Variants in ESRP2 observed in about 807,000 individuals in gnomAD.
ESRP2 encodes the protein epithelial splicing regulatory protein 2.
In ESRP2, 48 loss-of-function variants were observed where a neutral mutation model predicts 78.6. That is an observed-to-expected ratio of 0.61 (90% CI 0.48 to 0.78). The LOEUF is 0.78. Among genes scored for constraint, ESRP2 ranks in the 30% least tolerant of loss-of-function variants. The pLI, the probability that ESRP2 is intolerant of heterozygous loss-of-function variation, is 0.00. For missense variants in ESRP2, 863 were observed against 965.9 expected (o/e 0.89, Z 1.41); for synonymous variants, 383 against 406.7 (o/e 0.94, Z 0.70).
rs200831146 is a variant in ESRP2 at position 68,232,526 on chromosome 16, G to A, written c.822-23C>T. 1.1e-4 allele frequency: 183 copies of A among 1,614,060 alleles called. No homozygotes were observed. The East Asian group carries it at 3.3e-3, about 29-fold the overall frequency. Reference sequence around the variant, plus strand: ...CCCCTGTGGAGCCAGTGCTGTTAGTGCCTCCTGGGTAGGCCTGTCCAATTG... The same window carrying A: ...CCCCTGTGGAGCCAGTGCTGTTAGTACCTCCTGGGTAGGCCTGTCCAATTG... On this transcript the variant is annotated intron_variant, in intron 7 of 14. Coordinates refer to ENST00000473183, the MANE Select transcript of ESRP2 (RefSeq NM_024939.3). The surrounding 1 kb of genome is among the most constrained non-coding windows in gnomAD (Gnocchi z 5.2).
chr16:68,230,819 T>TCCC (rs1476426043), intron 13 of ESRP2, 22 bp downstream of exon 13: 3 of 1,613,548 alleles, frequency 1.9e-6, no homozygotes, highest in Non-Finnish European at 2.5e-6. Flanking sequence ...GGGACTGTGA[T>TCCC]ATTCTCTTAG....
chr16:68,231,719 T>C lies in ESRP2; in HGVS notation c.1300-25A>G. The C allele has an allele frequency of 6.3e-7, 1 of 1,595,028 alleles. No individual in the cohort carries two copies. The highest frequency in any genetic ancestry group is 1.7e-4 in the Middle Eastern group (1 of 5,976). On this transcript the variant is annotated intron_variant, in intron 10 of 14. Transcript: ENST00000473183. The surrounding 1 kb of genome is among the most constrained non-coding windows in gnomAD (Gnocchi z 6.0). ...CCTAGTAAGGAAGGCAGCAACAGGC[T>C]GGTCATGCCAAGTAGGGCAGGGACA...
Position 68,229,312 on chromosome 16 carries a change from C to T in ESRP2, c.*914G>A, listed in dbSNP as rs2042094062. The stretch of plus-strand genomic sequence containing the variant: ...CCTGGGGTTGGTGTGGAGCCCCTCA[C>T]TTTGGGGCAAAGTTAAGGGTCCTGT... On this transcript the variant is annotated 3_prime_UTR_variant, in exon 15 of 15. Transcript: ENST00000473183. 1 of 152,584 alleles carries T rather than the reference C, an allele frequency of 6.6e-6. No homozygotes were observed. Among genetic ancestry groups the T allele is most frequent in the East Asian group, 1.9e-4 (1 of 5,180 alleles). 9.5% of individuals were successfully genotyped at this position (152,584 alleles called of 1,614,324 possible).
rs558542362 is a variant in ESRP2 at position 68,229,729 on chromosome 16, G to A, written c.*497C>T. On this transcript the variant is annotated 3_prime_UTR_variant, in exon 15 of 15. Transcript: ENST00000473183. ...TGAGGTCCAGATACTCTGAGGGTAG[G>A]GGCTGGCTCTCTCTGCCTCCCTATC... The A allele has an allele frequency of 6.2e-6, 1 of 160,894 alleles. No homozygotes were observed. Among genetic ancestry groups the A allele is most frequent in the South Asian group, 1.7e-4 (1 of 5,772 alleles). The allele number at this position is 160,894 out of a possible 1,614,324, so 10.0% of individuals were successfully genotyped here. A position where few individuals can be genotyped will look rare whatever the true frequency, so the allele number is the denominator to read the frequency against.
rs748157582 is a variant in ESRP2, at chr16:68,231,338, T to C, written c.1551A>G (p.Ser517=). 1 of 1,614,142 alleles carries C rather than the reference T, an allele frequency of 6.2e-7. No homozygotes were observed. The highest frequency in any genetic ancestry group is 1.1e-5 in the South Asian group (1 of 91,086). ...PSGDAFIQMT[S]AERALAAAQR... ...GAGCAGCAGCTAGGGCTCGCTCTGC[T>C]GATGTCATCTGAATGAAGGCATCGC... is the stretch of plus-strand genomic sequence containing the variant. The change falls in exon 12 of 15, where the codon TCA becomes TCG. Residue 517 remains serine (S), a synonymous_variant. Coordinates refer to ENST00000473183, the MANE Select transcript of ESRP2 (RefSeq NM_024939.3). The surrounding 1 kb of genome is among the most constrained non-coding windows in gnomAD (Gnocchi z 6.0).
At position 68,233,385 on chromosome 16, in the gene ESRP2, C is replaced by T; in HGVS notation, c.597G>A (p.Gly199=). ...LETDATEDDF[G]VWEVKTMVAV... is the part of the protein sequence containing the mutation. Reference sequence around the variant, plus strand: ...CTACCATTGTCTTGACTTCCCAGACCCCAAAGTCATCCTCTGTGGCATCTG... The same window carrying T: ...CTACCATTGTCTTGACTTCCCAGACTCCAAAGTCATCCTCTGTGGCATCTG... Residue 199 remains glycine (G), a synonymous_variant, in exon 5 of 15, where the codon GGG becomes GGA. Transcript: ENST00000473183. 6.2e-7 allele frequency: 1 copy of T among 1,614,012 alleles called. No individual in the cohort carries two copies. Among genetic ancestry groups the T allele is most frequent in the Non-Finnish European group, 8.5e-7 (1 of 1,179,986 alleles).
At chr16:68,234,346 A>G in intron 2 of ESRP2, 1 of 528,572 alleles carries the variant, frequency 1.9e-6, no homozygotes, top group Non-Finnish European at 3.4e-6. Flanking sequence ...AATCACATAT[A>G]ACCGAAGCCC....
rs986017122 is a variant in ESRP2, at chr16:68,231,460, C to G, written c.1512+22G>C. 15 of 1,613,900 alleles carry G rather than the reference C, an allele frequency of 9.3e-6. No homozygotes were observed. The highest frequency in any genetic ancestry group is 1.2e-5 in the Non-Finnish European group (14 of 1,179,928). Reference sequence around the variant, plus strand: ...ACACCCCTTCCTATTTATGTGTTCCCCCTACCAAGCAGTGGCTTCACCTGC... The same window carrying G: ...ACACCCCTTCCTATTTATGTGTTCCGCCTACCAAGCAGTGGCTTCACCTGC... On this transcript the variant is annotated intron_variant, in intron 11 of 14. Coordinates refer to ENST00000473183, the MANE Select transcript of ESRP2 (RefSeq NM_024939.3). This position sits in a 1 kb window ranked among gnomAD's most constrained non-coding sequence, Gnocchi z 6.0.
Position 68,230,558 on chromosome 16 carries a change from G to A in ESRP2, c.1899-4C>T, listed in dbSNP as rs1196499174. The A allele has an allele frequency of 6.4e-7, 1 of 1,554,568 alleles. No individual in the cohort carries two copies. The highest frequency in any genetic ancestry group is 8.7e-7 in the Non-Finnish European group (1 of 1,150,014). ...AGTGGTGGGGGAGACTGGGGGGCTA[G>A]GGTGGGAGAGACAAGGTTTAGTCAT... On this transcript the variant is annotated splice_region_variant and splice_polypyrimidine_tract_variant and intron_variant, in intron 13 of 14. Transcript: ENST00000473183.
rs751986260 is a variant in ESRP2, at chr16:68,232,564, C to CACCT, written c.821+12_821+13insAGGT. The CACCT allele has an allele frequency of 1.9e-6, 3 of 1,614,158 alleles. No homozygotes were observed. The African/African-American group carries it at 4.0e-5, about 22-fold the overall frequency. The stretch of plus-strand genomic sequence containing the variant: ...GCCTGTCCAATTGGGCCCACCCACC[C>CACCT]TGCCACACCCACCTGGCCACGTTGA... On this transcript the variant is annotated intron_variant, in intron 7 of 14. Coordinates refer to ENST00000473183, the MANE Select transcript of ESRP2 (RefSeq NM_024939.3). This position sits in a 1 kb window ranked among gnomAD's most constrained non-coding sequence, Gnocchi z 5.2.
In ESRP2 at chr16:68,235,628, G is replaced by T. The variant is rs760804981; in HGVS notation, c.327+6C>A. 1 of 1,596,966 alleles carries T rather than the reference G, an allele frequency of 6.3e-7. No individual in the cohort carries two copies. The highest frequency in any genetic ancestry group is 1.1e-5 in the South Asian group (1 of 90,920). On this transcript the variant is annotated splice_donor_region_variant and intron_variant, in intron 2 of 14. Transcript: ENST00000473183. This position sits in a 1 kb window ranked among gnomAD's most constrained non-coding sequence, Gnocchi z 5.5. ...AGGCCATGCCGCCACCCACCCCGGC[G>T]CTCACCTGCTGCAGCACCTTGTCCA...
chr16:68,232,477 G>GCCAA lies in ESRP2; in HGVS notation c.847_848insTTGG (p.Ala283ValfsTer37). The GCCAA allele has an allele frequency of 6.2e-7, 1 of 1,614,192 alleles. No individual in the cohort carries two copies. Among genetic ancestry groups the GCCAA allele is most frequent in the Non-Finnish European group, 8.5e-7 (1 of 1,180,044 alleles). The stretch of plus-strand genomic sequence containing the variant: ...GGCCTCGCCATTTCTGCGGCCCTGG[G>GCCAA]CGTTGAGGCAGAGTGCTACACCACC... On this transcript the variant is annotated frameshift_variant, in exon 8 of 15. Coordinates refer to ENST00000473183, the MANE Select transcript of ESRP2 (RefSeq NM_024939.3). LOFTEE classifies it high-confidence loss of function. The surrounding 1 kb of genome is among the most constrained non-coding windows in gnomAD (Gnocchi z 5.2).
rs529264305 is a variant in ESRP2, at chr16:68,231,850, A to G, written c.1251T>C (p.Gly417=). 1 of 1,613,798 alleles carries G rather than the reference A, an allele frequency of 6.2e-7. No individual in the cohort carries two copies. Among genetic ancestry groups the G allele is most frequent in the African/African-American group, 1.3e-5 (1 of 74,982 alleles). The change falls in exon 10 of 15, where the codon GGT becomes GGC. Residue 417 remains glycine, a synonymous_variant. Coordinates refer to ENST00000473183, the MANE Select transcript of ESRP2 (RefSeq NM_024939.3). This position sits in a 1 kb window ranked among gnomAD's most constrained non-coding sequence, Gnocchi z 6.0. The stretch of plus-strand genomic sequence containing the variant: ...TCCGGAAGAGTTCAATGTATCGCTT[A>G]CCCAGCATGCCCTTGTGCCTGCGCA... ...AALRRHKGML[G]KRYIELFRST... is the part of the protein sequence containing the mutation.
chr16:68,233,886 G>T lies in ESRP2; in HGVS notation c.442-4C>A. The T allele has an allele frequency of 6.2e-7, 1 of 1,612,806 alleles. No individual in the cohort carries two copies. Among genetic ancestry groups the T allele is most frequent in the Non-Finnish European group, 8.5e-7 (1 of 1,178,910 alleles). ...ACATGTCGGGGAGCACCAGGTTCTG[G>T]GGGCACATAGGATTGAGGATGAGCG... On this transcript the variant is annotated splice_region_variant and splice_polypyrimidine_tract_variant and intron_variant, in intron 3 of 14. Coordinates refer to ENST00000473183, the MANE Select transcript of ESRP2 (RefSeq NM_024939.3).
chr16:68,231,344 C>G lies in ESRP2; in HGVS notation c.1545G>C (p.Met515Ile). ...GRPSGDAFIQMTSAERALAAA... is the reference protein window; with the variant it reads ...GRPSGDAFIQITSAERALAAA... Reference sequence around the variant, plus strand: ...CAGCTAGGGCTCGCTCTGCTGATGTCATCTGAATGAAGGCATCGCCCGATG... The same window carrying G: ...CAGCTAGGGCTCGCTCTGCTGATGTGATCTGAATGAAGGCATCGCCCGATG... The change falls in exon 12 of 15, where the codon ATG (methionine) becomes ATC (isoleucine). Residue 515 changes from methionine (M) to isoleucine (I), a missense_variant. Transcript: ENST00000473183. This position sits in a 1 kb window ranked among gnomAD's most constrained non-coding sequence, Gnocchi z 6.0. 1 of 1,614,150 alleles carries G rather than the reference C, an allele frequency of 6.2e-7. No individual in the cohort carries two copies. Among genetic ancestry groups the G allele is most frequent in the Non-Finnish European group, 8.5e-7 (1 of 1,180,008 alleles).
In ESRP2 at chr16:68,232,078, G is replaced by A. The variant is rs748303854; in HGVS notation, c.1023C>T (p.Phe341=). ...AGGTSLEVAR[F]LSREDQVILR... is the part of the protein sequence containing the mutation. ...GGATCACTTGGTCTTCCCGTGACAA[G>A]AAACGAGCCACCTCTAGTGATGTGC... Residue 341 remains phenylalanine (F), a synonymous_variant, in exon 10 of 15, where the codon TTC becomes TTT. Transcript: ENST00000473183. The surrounding 1 kb of genome is among the most constrained non-coding windows in gnomAD (Gnocchi z 5.2). The A allele has an allele frequency of 6.2e-7, 1 of 1,613,454 alleles. No individual in the cohort carries two copies. Among genetic ancestry groups the A allele is most frequent in the Non-Finnish European group, 8.5e-7 (1 of 1,179,592 alleles).
At position 68,235,274 on chromosome 16, in the gene ESRP2, C is replaced by T; in HGVS notation, c.327+360G>A. The T allele has an allele frequency of 1.0e-6, 1 of 985,472 alleles. No homozygotes were observed. Among genetic ancestry groups the T allele is most frequent in the Non-Finnish European group, 1.2e-6 (1 of 829,934 alleles). 61.0% of individuals were successfully genotyped at this position (985,472 alleles called of 1,614,324 possible). A position where few individuals can be genotyped will look rare whatever the true frequency, so the allele number is the denominator to read the frequency against. On this transcript the variant is annotated intron_variant, in intron 2 of 14. Transcript: ENST00000473183. This position sits in a 1 kb window ranked among gnomAD's most constrained non-coding sequence, Gnocchi z 5.5. Reference sequence around the variant, plus strand: ...AAGGACAGGTGACCTATATGGGCCCCTCGACCCCTTTCGCTTCCGGCTGCG... The same window carrying T: ...AAGGACAGGTGACCTATATGGGCCCTTCGACCCCTTTCGCTTCCGGCTGCG...
In ESRP2 at chr16:68,232,765, G is replaced by GC. The variant is rs1282934757; in HGVS notation, c.705dup (p.Pro236AlafsTer6). Reference sequence around the variant, plus strand: ...AGCCCCTGCTCCCACACTCACCAAGGCCCCGTCTCGTATTTCTGCTTTATC... The same window carrying GC: ...AGCCCCTGCTCCCACACTCACCAAGGCCCCCGTCTCGTATTTCTGCTTTATC... On this transcript the variant is annotated frameshift_variant, in exon 6 of 15. Transcript: ENST00000473183. LOFTEE classifies it high-confidence loss of function. The surrounding 1 kb of genome is among the most constrained non-coding windows in gnomAD (Gnocchi z 5.2). 6.2e-7 allele frequency: 1 copy of GC among 1,614,114 alleles called. No individual in the cohort carries two copies. Among genetic ancestry groups the GC allele is most frequent in the African/African-American group, 1.3e-5 (1 of 74,928 alleles).
chr16:68,232,168 G>C lies in ESRP2; in HGVS notation c.998-65C>G, dbSNP rs1298863699. 3 of 1,612,774 alleles carry C rather than the reference G, an allele frequency of 1.9e-6. No homozygotes were observed. Among genetic ancestry groups the C allele is most frequent in the Non-Finnish European group, 2.5e-6 (3 of 1,179,282 alleles). ...TCCAGACACTCACCCATGCAGGGGAGCAGGCAGGCAAGGGGTGGTGGGGAA... is the reference window on the plus strand; with the variant it reads ...TCCAGACACTCACCCATGCAGGGGACCAGGCAGGCAAGGGGTGGTGGGGAA... On this transcript the variant is annotated intron_variant, in intron 9 of 14. Transcript: ENST00000473183. This position sits in a 1 kb window ranked among gnomAD's most constrained non-coding sequence, Gnocchi z 5.2.
Sources: allele counts gnomAD v4.1 joint callset, GRCh38; gene constraint gnomAD v4.1.1; non-coding constraint Gnocchi (gnomAD v3.1); transcripts MANE v1.5; gene names NCBI Gene and HGNC (gene_info 2026-07-23, HGNC 2026-07-21).